KCNQ1: variants seen among roughly 807,000 people sequenced by gnomAD.
KCNQ1 encodes the protein potassium voltage-gated channel subfamily Q member 1, also known as potassium voltage-gated channel subfamily KQT member 1.
KCNQ1 carries 49 observed loss-of-function variants against 72.4 expected under a neutral mutation model. The observed-to-expected ratio is 0.68, with a 90% CI of 0.54 to 0.86. The LOEUF (loss-of-function observed/expected upper bound fraction) is 0.86, where lower values mean the gene tolerates loss of function less well. Among genes scored for constraint, KCNQ1 ranks in the 40% least tolerant of loss-of-function variants. The probability of loss-of-function intolerance (pLI) is 0.00; values close to 1 mark genes in which losing one functional copy is unlikely to be tolerated. For synonymous variants in KCNQ1, 450 were observed against 412.6 expected, an observed-to-expected ratio of 1.09 and a Z score of -1.10; for missense variants, 790 against 945.1, an observed-to-expected ratio of 0.84 and a Z score of 2.15.
rs1205046119 is a variant in KCNQ1 at position 2,600,043 on chromosome 11, C to T, written c.1393+11189C>T. Among the ~76,000 whole-genome samples the T allele has an allele frequency of 6.6e-6, 1 of 152,178 alleles. No homozygotes were observed. Among genetic ancestry groups the T allele is most frequent in the African/African-American group, 2.4e-5 (1 of 41,440 alleles). On this transcript the variant is annotated intron_variant, in intron 10 of 15. Coordinates refer to ENST00000155840, the MANE Select transcript of KCNQ1 (RefSeq NM_000218.3). This position sits in a 1 kb window ranked among gnomAD's most constrained non-coding sequence, Gnocchi z 5.6. Reference sequence around the variant, plus strand: ...ACAGGCAGGGTTCCTCTTTCCCGGCCGGCATTCCTGCCCACCAGTCCTGGC... The same window carrying T: ...ACAGGCAGGGTTCCTCTTTCCCGGCTGGCATTCCTGCCCACCAGTCCTGGC...
rs1450190097 is a variant in KCNQ1, at chr11:2,543,559, C to T, written c.477+15541C>T. On this transcript the variant is annotated intron_variant, in intron 2 of 15. Coordinates refer to ENST00000155840, the MANE Select transcript of KCNQ1 (RefSeq NM_000218.3). The surrounding 1 kb of genome is among the most constrained non-coding windows in gnomAD (Gnocchi z 5.6). ...AAAGCGCTGGAATTACAGGTGTGAG[C>T]CACTGCTCCAGGCCCAATAGTATCT... Among the ~76,000 whole-genome samples, 1 of 152,218 alleles carries T rather than the reference C, an allele frequency of 6.6e-6. No individual in the cohort carries two copies. The highest frequency in any genetic ancestry group is 2.4e-5 in the African/African-American group (1 of 41,444).
chr11:2,586,239 C>G (rs903443482), intron 8 of KCNQ1, among the ~76,000 whole-genome samples: 2 of 152,186 alleles, frequency 1.3e-5, no homozygotes, highest in Non-Finnish European at 2.9e-5. Flanking sequence ...TGGCTGGCGT[C>G]CCCCCTGCAG....
chr11:2,568,531 TC>T (rs1848279479), intron 2 of KCNQ1, among the ~76,000 whole-genome samples: 1 of 152,190 alleles, frequency 6.6e-6, no homozygotes, highest in African/African-American at 2.4e-5. Flanking sequence ...TGTTATGGTG[TC>T]CAGGCCCGGT....
chr11:2,612,119 A>G lies in KCNQ1; in HGVS notation c.1393+23265A>G, dbSNP rs1848987178. On this transcript the variant is annotated intron_variant, in intron 10 of 15. Transcript: ENST00000155840. The surrounding 1 kb of genome is among the most constrained non-coding windows in gnomAD (Gnocchi z 5.5). ...GACAGGGGTTCCCAACCCCAGGGCC[A>G]TGGACTGGTACCAGTCTGTGGCCTA... 5.0e-6 allele frequency: 2 copies of G among 398,554 alleles called. No individual in the cohort carries two copies. Among genetic ancestry groups the G allele is most frequent in the Non-Finnish European group, 8.8e-6 (2 of 226,078 alleles). 24.7% of individuals were successfully genotyped at this position (398,554 alleles called of 1,614,324 possible).
Position 2,477,125 on chromosome 11 carries a change from T to C in KCNQ1, c.386+31641T>C, listed in dbSNP as rs1469045452. 6.6e-6 allele frequency among the ~76,000 whole-genome samples: 1 copy of C among 152,198 alleles called. No homozygotes were observed. Among genetic ancestry groups the C allele is most frequent in the Non-Finnish European group, 1.5e-5 (1 of 68,028 alleles). On this transcript the variant is annotated intron_variant, in intron 1 of 15. Transcript: ENST00000155840. This position sits in a 1 kb window ranked among gnomAD's most constrained non-coding sequence, Gnocchi z 5.0. The stretch of plus-strand genomic sequence containing the variant: ...GGAGACAATCTCAGTATGTGTGAGA[T>C]GAATCTGAACCCTCATCAGAACGTC...
rs113143045 is a variant in KCNQ1 at position 2,482,388 on chromosome 11, C to T, written c.386+36904C>T. Among the ~76,000 whole-genome samples, 284 of 152,290 alleles carry T rather than the reference C, an allele frequency of 1.9e-3. No homozygotes were observed. Among genetic ancestry groups the T allele is most frequent in the Non-Finnish European group, 2.9e-3 (200 of 68,038 alleles). ...CTGGCATTTCCCCTGTGTTATTGAACGTAATCAACTCTCTATTGACGGCTG... is the reference window on the plus strand; with the variant it reads ...CTGGCATTTCCCCTGTGTTATTGAATGTAATCAACTCTCTATTGACGGCTG... On this transcript the variant is annotated intron_variant, in intron 1 of 15. Transcript: ENST00000155840. The surrounding 1 kb of genome is among the most constrained non-coding windows in gnomAD (Gnocchi z 5.7).
intron 2 of KCNQ1, among the ~76,000 whole-genome samples, chr11:2,555,146 G>A (rs1848050100): frequency 6.6e-6 from 1 of 152,236 alleles, no homozygotes; most frequent in Non-Finnish European, 1.5e-5. Context: ...CAACCCTGCG[G>A]CCTTCTCAGC....
chr11:2,776,170 T>A, intron 13 of KCNQ1, 116 bp downstream of exon 13: 1 of 885,756 alleles, frequency 1.1e-6, no homozygotes, highest in Non-Finnish European at 1.7e-6. Context: ...TTCTTGCCTC[T>A]CAACCACCCC....
chr11:2,739,091 T>A (rs1374779452), intron 11 of KCNQ1, among the ~76,000 whole-genome samples: 1 of 152,228 alleles, frequency 6.6e-6, no homozygotes, highest in African/African-American at 2.4e-5. Context: ...GAAGTGGGAC[T>A]GACATCCCCT....
chr11:2,751,898 T>TG (rs1379617641), intron 11 of KCNQ1, among the ~76,000 whole-genome samples: 2 of 152,210 alleles, frequency 1.3e-5, no homozygotes, highest in Non-Finnish European at 2.9e-5. Context: ...CCCCATAGCA[T>TG]GGCTGACCTT....
At chr11:2,586,599 A>C (rs1848595642) in intron 8 of KCNQ1, among the ~76,000 whole-genome samples, 2 of 152,160 alleles carry the variant, frequency 1.3e-5, no homozygotes. Context: ...GGAGCAGGGC[A>C]GGGGTCATGG....
intron 2 of KCNQ1, among the ~76,000 whole-genome samples, chr11:2,554,582 A>G (rs1848040406): frequency 6.6e-6 from 1 of 152,192 alleles, no homozygotes; most frequent in South Asian, 2.1e-4. Flanking sequence ...CCCACTGGGC[A>G]CTGCCTCCCC....
intron 11 of KCNQ1, among the ~76,000 whole-genome samples, chr11:2,707,663 C>T (rs1850932414): frequency 6.6e-6 from 1 of 152,336 alleles, no homozygotes; most frequent in East Asian, 1.9e-4. Context: ...GTATGTCAGG[C>T]ATGGTTCTGA....
At chr11:2,631,687 G>A (rs1849355419) in intron 10 of KCNQ1, 4 of 398,410 alleles carry the variant, frequency 1.0e-5, no homozygotes, top group Non-Finnish European at 1.3e-5. Context: ...ACTTGATGGA[G>A]TGTTAAGTAG....
chr11:2,496,469 AAAAAT>A (rs1334774751), intron 1 of KCNQ1, among the ~76,000 whole-genome samples: 2 of 146,324 alleles, frequency 1.4e-5, no homozygotes, highest in African/African-American at 5.0e-5. Flanking sequence ...TAAAATTAAA[AAAAAT>A]GGCTAGGATC....
At chr11:2,445,549 C>G in intron 1 of KCNQ1, 65 bp downstream of exon 1, 1 of 1,546,418 alleles carries the variant, frequency 6.5e-7, no homozygotes, top group Non-Finnish European at 8.7e-7. Context: ...TGGGGGAGCT[C>G]TGTCCCAGCG....
At position 2,728,147 on chromosome 11, in the gene KCNQ1, G is replaced by A. The variant is rs550921357; in HGVS notation, c.1515-40697G>A. On this transcript the variant is annotated intron_variant, in intron 11 of 15. Transcript: ENST00000155840. ...TGCACAAATCCCTTCCAGGACTTCC[G>A]ATGGTTCTGTCCTCCCCTCACACAG... Among the ~76,000 whole-genome samples the A allele has an allele frequency of 7.2e-5, 11 of 152,134 alleles. 1 individual carries two copies. The East Asian group carries it at 7.8e-4, about 11-fold the overall frequency.
chr11:2,620,449 CAG>C lies in KCNQ1; in HGVS notation c.1393+31596_1393+31597del. ...CAGGCTGGTCTCGAACTCCTGACCT[CAG>C]GTGATCCACCCGCCTTGGCCTCCCA... On this transcript the variant is annotated intron_variant, in intron 10 of 15. Coordinates refer to ENST00000155840, the MANE Select transcript of KCNQ1 (RefSeq NM_000218.3). The surrounding 1 kb of genome is among the most constrained non-coding windows in gnomAD (Gnocchi z 4.5). The C allele has an allele frequency of 3.4e-6, 1 of 298,414 alleles. No individual in the cohort carries two copies. Among genetic ancestry groups the C allele is most frequent in the South Asian group, 1.6e-4 (1 of 6,118 alleles). 18.5% of individuals were successfully genotyped at this position (298,414 alleles called of 1,614,324 possible).
intron 15 of KCNQ1, among the ~76,000 whole-genome samples, chr11:2,844,519 G>A (rs543165376): frequency 8.5e-5 from 13 of 152,342 alleles, no homozygotes; most frequent in East Asian, 5.8e-4. Context: ...TTCAGTGTCC[G>A]TCGGAGGCAA....
Sources: allele counts gnomAD v4.1 joint callset (sites outside exome capture counted in the v4.1 genomes callset), GRCh38; gene constraint gnomAD v4.1.1; non-coding constraint Gnocchi (gnomAD v3.1); transcripts MANE v1.5; gene names NCBI Gene and HGNC (gene_info 2026-07-23, HGNC 2026-07-21).